The following HS1BP3 variants were observed in gnomAD, a reference collection of about 807,000 sequenced individuals.
HS1BP3 encodes HCLS1-binding protein 3.
Under a neutral mutation model 33.5 loss-of-function variants are expected in HS1BP3, and 32 were observed. The ratio of observed to expected loss-of-function variants is 0.95; its 90% CI spans 0.72 to 1.28. The LOEUF (loss-of-function observed/expected upper bound fraction) is 1.28, where lower values mean the gene tolerates loss of function less well. Among genes scored for constraint, HS1BP3 ranks in the 50% most tolerant of loss-of-function variants. HS1BP3 has a pLI of 0.00. For missense variants in HS1BP3, 486 were observed against 502.3 expected (o/e 0.97, Z 0.31); for synonymous variants, 187 against 209.2 (o/e 0.89, Z 0.92).
intron 3 of HS1BP3, chr2:20,640,705 G>A: frequency 1.7e-6 from 1 of 592,268 alleles, no homozygotes; most frequent in Non-Finnish European, 3.1e-6. Flanking sequence ...AATGGGGCTG[G>A]CCAGGAAGGC....
chr2:20,585,654 C>A (rs183596142), intron 5 of HS1BP3, among the ~76,000 whole-genome samples: 2 of 152,320 alleles, frequency 1.3e-5, no homozygotes, highest in Admixed American at 1.3e-4. Context: ...TTTGAAGGAC[C>A]GAGAAGCTGC....
At chr2:20,630,839 G>A (rs925081733) in intron 4 of HS1BP3, among the ~76,000 whole-genome samples, 1 of 152,212 alleles carries the variant, frequency 6.6e-6, no homozygotes, top group Admixed American at 6.5e-5. Context: ...GCCAAGGTGT[G>A]CAGAGCCTGG....
rs1303746385 is a variant in HS1BP3, at chr2:20,637,034, GCC to G, written c.623+1400_623+1401del. ...CAGAGCTGGGGAGGGGGCTGCCCCC[GCC>G]CCCCCCGCCCCGCCAAGGGGTCCCA... On this transcript the variant is annotated intron_variant, in intron 4 of 6. Coordinates refer to ENST00000304031, the MANE Select transcript of HS1BP3 (RefSeq NM_022460.4). The G allele has an allele frequency of 6.9e-4, 63 of 90,812 alleles. 3 individuals carry two copies. The highest frequency in any genetic ancestry group is 2.4e-3 in the African/African-American group (60 of 25,308). The allele number at this position is 90,812 out of a possible 1,614,324, so 5.6% of individuals were successfully genotyped here. A position where few individuals can be genotyped will look rare whatever the true frequency, so the allele number is the denominator to read the frequency against.
downstream of HS1BP3, among the ~76,000 whole-genome samples, chr2:20,558,097 A>C (rs1352981862): frequency 6.6e-6 from 1 of 152,196 alleles, no homozygotes; most frequent in African/African-American, 2.4e-5. Flanking sequence ...GTCTGTATCC[A>C]TGTGATTTAG....
intron 2 of HS1BP3, among the ~76,000 whole-genome samples, chr2:20,600,848 T>C (rs1388103156): frequency 6.6e-6 from 1 of 152,192 alleles, no homozygotes; most frequent in Non-Finnish European, 1.5e-5. Context: ...ATTTCTCTTG[T>C]ATTTCAAAAT....
intron 5 of HS1BP3, among the ~76,000 whole-genome samples, chr2:20,575,301 A>T (rs186150124): frequency 2.0e-5 from 3 of 152,228 alleles, no homozygotes; most frequent in African/African-American, 7.2e-5. Context: ...CAGCCTGGAC[A>T]GGCAGGGCTA....
intron 5 of HS1BP3, among the ~76,000 whole-genome samples, chr2:20,573,791 G>A (rs77296773): frequency 0.027 from 4,172 of 152,240 alleles, 60 homozygotes; most frequent in Non-Finnish European, 0.031. Flanking sequence ...GACAGCCTCC[G>A]GTCAGGACCA....
rs116948525 is a variant in HS1BP3 at position 20,650,096 on chromosome 2, G to C, written c.32+936C>G. Among the ~76,000 whole-genome samples the C allele has an allele frequency of 1.6e-3, 250 of 152,324 alleles. 4 individuals carry two copies. In the East Asian group the frequency reaches 0.035, roughly 22 times the overall value. On this transcript the variant is annotated intron_variant, in intron 1 of 6. Coordinates refer to ENST00000304031, the MANE Select transcript of HS1BP3 (RefSeq NM_022460.4). ...ACTGTAACCACACTTGATCATGAAA[G>C]ACCAAGCAGCCTCCGACATCAGGGT...
At chr2:20,565,678 C>T (rs1274234378) in intron 5 of HS1BP3, among the ~76,000 whole-genome samples, 1 of 152,238 alleles carries the variant, frequency 6.6e-6, no homozygotes, top group Non-Finnish European at 1.5e-5. Context: ...GCACTCATCC[C>T]ACTGGAAGAT....
At chr2:20,610,266 G>T (rs1220381915) in intron 2 of HS1BP3, among the ~76,000 whole-genome samples, 4 of 152,122 alleles carry the variant, frequency 2.6e-5, no homozygotes, top group Non-Finnish European at 4.4e-5. Flanking sequence ...TCTTGGTGCG[G>T]TGCATTCTGT....
intron 4 of HS1BP3, among the ~76,000 whole-genome samples, chr2:20,632,656 G>C (rs1012217784): frequency 1.3e-5 from 2 of 152,174 alleles, no homozygotes; most frequent in Non-Finnish European, 2.9e-5. Context: ...ACGGGTCCTG[G>C]GGGAGCCTGA....
At chr2:20,619,340 C>T in intron 6 of HS1BP3, 95 bp from the exon 7 acceptor site, 2 of 1,145,550 alleles carry the variant, frequency 1.7e-6, no homozygotes, top group Non-Finnish European at 2.4e-6. Flanking sequence ...CGGGGCTGGG[C>T]AGCGGCAGGG....
rs1695324794 is a variant in HS1BP3, at chr2:20,641,022, GAC to G, written c.355_356del (p.Val119LeufsTer44). The part of the protein sequence containing the change: ...RAVFNEILRC[V>X]SKDAELAGSP... The stretch of plus-strand genomic sequence containing the variant: ...TGCCTGCCAACTCGGCATCCTTGGA[GAC>G]ACAGCGCAGGATCTCATTGAACACG... On this transcript the variant is annotated frameshift_variant, in exon 3 of 7. Coordinates refer to ENST00000304031, the MANE Select transcript of HS1BP3 (RefSeq NM_022460.4). LOFTEE classifies it high-confidence loss of function. 2 of 1,614,182 alleles carry G rather than the reference GAC, an allele frequency of 1.2e-6. No individual in the cohort carries two copies. Among genetic ancestry groups the G allele is most frequent in the East Asian group, 2.2e-5 (1 of 44,878 alleles).
At chr2:20,598,160 C>T (rs1023063283) in intron 3 of HS1BP3, 5 of 241,186 alleles carry the variant, frequency 2.1e-5, no homozygotes, top group South Asian at 8.3e-5. Context: ...CACTTTATTT[C>T]TATTATTATT....
At position 20,645,456 on chromosome 2, in the gene HS1BP3, G is replaced by A. The variant is rs1259721572; in HGVS notation, c.82C>T (p.Gln28Ter). The A allele has an allele frequency of 6.2e-7, 1 of 1,613,994 alleles. No homozygotes were observed. The highest frequency in any genetic ancestry group is 1.7e-5 in the Admixed American group (1 of 59,994). Residue 28 changes from glutamine to a stop codon, truncating the protein, a stop_gained, in exon 2 of 7, where the codon CAG (glutamine) becomes TAG (stop). Transcript: ENST00000304031. LOFTEE classifies it high-confidence loss of function. ...GACATCATCTTGCCCCGTACCTCCT[G>A]GTGCTGGGGCACAGTCAGGTCGAGG... Reference protein sequence around the residue: ...TGLDLTVPQHQEVRGKMMSGH... With the variant: ...TGLDLTVPQH
intron 4 of HS1BP3, among the ~76,000 whole-genome samples, chr2:20,632,649 G>A (rs1695004136): frequency 6.6e-6 from 1 of 152,204 alleles, no homozygotes. Context: ...TGCCACAACG[G>A]GTCCTGGGGG....
At chr2:20,555,953 G>A (rs990372591), downstream of HS1BP3, among the ~76,000 whole-genome samples, 8 of 152,118 alleles carry the variant, frequency 5.3e-5, no homozygotes, top group African/African-American at 1.9e-4. Flanking sequence ...TTCTTCCTCT[G>A]TAAGACTTCA....
At chr2:20,555,766 C>T (rs905226146), downstream of HS1BP3, among the ~76,000 whole-genome samples, 1 of 151,648 alleles carries the variant, frequency 6.6e-6, no homozygotes, top group African/African-American at 2.4e-5. Context: ...AGTTATGAAA[C>T]TTCTTTGGGC....
intron 2 of HS1BP3, chr2:20,606,287 T>C: frequency 2.3e-6 from 1 of 440,700 alleles, no homozygotes; most frequent in Non-Finnish European, 4.5e-6. Flanking sequence ...TGTTCATGCG[T>C]CTTCACCAGC....
Sources: allele counts gnomAD v4.1 joint callset (sites outside exome capture counted in the v4.1 genomes callset), GRCh38; gene constraint gnomAD v4.1.1; transcripts MANE v1.5; gene names NCBI Gene and HGNC (gene_info 2026-07-23, HGNC 2026-07-21).